The following PDGFC variants were observed in gnomAD, a reference collection of about 807,000 sequenced individuals.
The protein encoded by PDGFC is platelet derived growth factor C, also known as platelet-derived growth factor C.
Under a neutral mutation model 35.5 loss-of-function variants are expected in PDGFC, and 12 were observed. The observed-to-expected ratio is 0.34, with a 90% CI of 0.22 to 0.55. PDGFC has a LOEUF of 0.55. PDGFC is among the 20% of genes least tolerant of loss of function. The pLI is 0.91. For synonymous variants in PDGFC, 159 were observed against 148.8 expected (o/e 1.07, Z -0.50); for missense variants, 322 against 412.4 (o/e 0.78, Z 1.90).
intron 1 of PDGFC, among the ~76,000 whole-genome samples, chr4:156,961,928 G>A (rs139487916): frequency 4.5e-4 from 69 of 152,198 alleles, no homozygotes; most frequent in Non-Finnish European, 7.6e-4. Flanking sequence ...CTGAGGCTGC[G>A]CAGCCTGCCC....
chr4:156,934,498 C>G (rs1731629704), intron 1 of PDGFC, among the ~76,000 whole-genome samples: 1 of 152,110 alleles, frequency 6.6e-6, no homozygotes, highest in South Asian at 2.1e-4. Context: ...TTACTGTACA[C>G]TTTTGTAGAA....
intron 2 of PDGFC, among the ~76,000 whole-genome samples, chr4:156,824,323 TATATAC>T (rs1330219252): frequency 1.1e-4 from 11 of 95,786 alleles, no homozygotes; most frequent in East Asian, 3.1e-4. Context: ...TATATATATA[TATATAC>T]ACACACACAC....
chr4:156,816,695 G>A (rs1227502207), intron 2 of PDGFC, among the ~76,000 whole-genome samples: 6 of 152,112 alleles, frequency 3.9e-5, no homozygotes, highest in African/African-American at 2.4e-5. Flanking sequence ...TCATTCTCAC[G>A]AGTCAAACCT....
intron 1 of PDGFC, among the ~76,000 whole-genome samples, chr4:156,855,528 C>T (rs76144492): frequency 0.012 from 1,799 of 152,216 alleles, 43 homozygotes; most frequent in African/African-American, 0.04. Context: ...GTAAACAGAT[C>T]GGCCTCACGG....
chr4:156,970,935 C>T lies in PDGFC; in HGVS notation c.-32G>A, dbSNP rs368428455. Reference sequence around the variant, plus strand: ...GACTGGGGTGAGAGCTCACTCACGGCGGGCACTTTGGAAGCAGCGACTCCC... The same window carrying T: ...GACTGGGGTGAGAGCTCACTCACGGTGGGCACTTTGGAAGCAGCGACTCCC... On this transcript the variant is annotated 5_prime_UTR_variant, in exon 1 of 6. Transcript: ENST00000502773. 9 of 1,456,464 alleles carry T rather than the reference C, an allele frequency of 6.2e-6. No individual in the cohort carries two copies. The African/African-American group carries it at 8.3e-5, about 14-fold the overall frequency. The allele number at this position is 1,456,464 out of a possible 1,614,324, so 90.2% of individuals were successfully genotyped here. A position where few individuals can be genotyped will look rare whatever the true frequency, so the allele number is the denominator to read the frequency against.
At chr4:156,901,556 C>CGA (rs1359514814) in intron 1 of PDGFC, among the ~76,000 whole-genome samples, 50 of 151,138 alleles carry the variant, frequency 3.3e-4, no homozygotes, top group Middle Eastern at 6.8e-3. Flanking sequence ...ATATTGGTAG[C>CGA]GAGAGAGAGA....
chr4:156,801,069 A>C (rs1731591496), intron 3 of PDGFC, among the ~76,000 whole-genome samples: 1 of 152,136 alleles, frequency 6.6e-6, no homozygotes, highest in Admixed American at 6.5e-5. Context: ...AGATAGCATC[A>C]CTATTGTAGA....
chr4:156,929,165 A>G (rs1262424373), intron 1 of PDGFC, among the ~76,000 whole-genome samples: 1 of 152,198 alleles, frequency 6.6e-6, no homozygotes, highest in Admixed American at 6.5e-5. Flanking sequence ...TTAAAAGAAA[A>G]ATTGTGCAAA....
At chr4:156,932,014 C>T (rs1731561293) in intron 1 of PDGFC, among the ~76,000 whole-genome samples, 1 of 151,924 alleles carries the variant, frequency 6.6e-6, no homozygotes. Context: ...AAAAATAGCT[C>T]AAAGTTTTAG....
intron 2 of PDGFC, among the ~76,000 whole-genome samples, chr4:156,849,543 T>C (rs1729403566): frequency 6.6e-6 from 1 of 152,064 alleles, no homozygotes; most frequent in Non-Finnish European, 1.5e-5. Flanking sequence ...TTGACAAGTG[T>C]ATTCATATGG....
chr4:156,928,816 C>A (rs1344189054), intron 1 of PDGFC, among the ~76,000 whole-genome samples: 1 of 152,168 alleles, frequency 6.6e-6, no homozygotes, highest in East Asian at 1.9e-4. Context: ...ACAAGAGATT[C>A]CACTTTTTCT....
At chr4:156,765,717 T>C (rs1730505240) in intron 5 of PDGFC, among the ~76,000 whole-genome samples, 1 of 152,238 alleles carries the variant, frequency 6.6e-6, no homozygotes, top group Admixed American at 6.5e-5. Context: ...ATTTTACTAT[T>C]GTCAGAGTAT....
chr4:156,850,436 C>T lies in PDGFC; in HGVS notation c.119-20G>A. ...GTACTCCTAAAGCAAAAAACATAGA[C>T]ATAGACATACATTTAGATTTCAAAA... On this transcript the variant is annotated intron_variant, in intron 1 of 5. Transcript: ENST00000502773. 1 of 1,402,126 alleles carries T rather than the reference C, an allele frequency of 7.1e-7. No homozygotes were observed. The highest frequency in any genetic ancestry group is 9.8e-7 in the Non-Finnish European group (1 of 1,023,634). 86.9% of individuals were successfully genotyped at this position (1,402,126 alleles called of 1,614,324 possible). A position where few individuals can be genotyped will look rare whatever the true frequency, so the allele number is the denominator to read the frequency against.
chr4:156,883,332 G>A (rs149857674), intron 1 of PDGFC, among the ~76,000 whole-genome samples: 1 of 152,204 alleles, frequency 6.6e-6, no homozygotes, highest in Non-Finnish European at 1.5e-5. Context: ...TGGAAAGATT[G>A]TATTAAAGTC....
chr4:156,836,816 T>A (rs951660223), intron 2 of PDGFC, among the ~76,000 whole-genome samples: 1 of 152,088 alleles, frequency 6.6e-6, no homozygotes, highest in South Asian at 2.1e-4. Flanking sequence ...TGTAAAAGAT[T>A]TTTTTTTAGT....
At chr4:156,932,044 G>C (rs145638659) in intron 1 of PDGFC, among the ~76,000 whole-genome samples, 2 of 152,032 alleles carry the variant, frequency 1.3e-5, no homozygotes, top group Non-Finnish European at 2.9e-5. Context: ...AAACAAAAGA[G>C]GTAAGAGATG....
At chr4:156,937,559 G>A (rs1174249598) in intron 1 of PDGFC, among the ~76,000 whole-genome samples, 1 of 152,030 alleles carries the variant, frequency 6.6e-6, no homozygotes, top group East Asian at 1.9e-4. Context: ...AAATTCATCT[G>A]GGCATGGTGG....
At chr4:156,792,126 G>C (rs574347409) in intron 3 of PDGFC, among the ~76,000 whole-genome samples, 1 of 152,296 alleles carries the variant, frequency 6.6e-6, no homozygotes, top group South Asian at 2.1e-4. Context: ...TAAAACAAAT[G>C]TGACCAGTGA....
chr4:156,851,855 C>T (rs1413344158), intron 1 of PDGFC, among the ~76,000 whole-genome samples: 1 of 143,672 alleles, frequency 7.0e-6, no homozygotes, highest in African/African-American at 2.6e-5. Flanking sequence ...GGTGTGAACC[C>T]AGAAGGCGGA....
Sources: allele counts gnomAD v4.1 joint callset (sites outside exome capture counted in the v4.1 genomes callset), GRCh38; gene constraint gnomAD v4.1.1; transcripts MANE v1.5; gene names NCBI Gene and HGNC (gene_info 2026-07-23, HGNC 2026-07-21).